The following CFAP77 variants were observed in gnomAD, a reference collection of about 807,000 sequenced individuals.
CFAP77 encodes cilia- and flagella-associated protein 77.
In CFAP77, 25 loss-of-function variants were observed where a neutral mutation model predicts 31.1. That is an observed-to-expected ratio of 0.80 (90% CI 0.59 to 1.12). CFAP77 has a LOEUF of 1.12. CFAP77 is among the 50% of genes most tolerant of loss of function. The probability of loss-of-function intolerance (pLI) is 0.00; values close to 1 mark genes in which losing one functional copy is unlikely to be tolerated. For missense variants in CFAP77, 377 were observed against 397.3 expected (o/e 0.95, Z 0.44); for synonymous variants, 151 against 159.9 (o/e 0.94, Z 0.42).
chr9:132,446,510 G>C (rs991819706), intron 1 of CFAP77, among the ~76,000 whole-genome samples: 2 of 152,084 alleles, frequency 1.3e-5, no homozygotes, highest in Non-Finnish European at 2.9e-5. Context: ...GGAGGCTGAG[G>C]TGGGTGGATC....
At chr9:132,458,357 G>GGGGGGGGGGTGGAGGGGT (rs139008147) in intron 1 of CFAP77, among the ~76,000 whole-genome samples, 1 of 119,046 alleles carries the variant, frequency 8.4e-6, no homozygotes, top group Admixed American at 9.8e-5. Context: ...GAGGGGGGGG[G>GGGGGGGGGGTGGAGGGGT]GTGTGTATGG....
intron 1 of CFAP77, among the ~76,000 whole-genome samples, chr9:132,478,357 C>T (rs1458894061): frequency 6.6e-6 from 1 of 151,740 alleles, no homozygotes; most frequent in Non-Finnish European, 1.5e-5. Flanking sequence ...GCACGAGGCT[C>T]ACAGGTGAAG....
intron 1 of CFAP77, among the ~76,000 whole-genome samples, chr9:132,484,587 G>A (rs1017525343): frequency 2.0e-5 from 3 of 152,186 alleles, no homozygotes; most frequent in Non-Finnish European, 4.4e-5. Context: ...GGTTACGGCT[G>A]AATAATATTC....
In CFAP77 at chr9:132,499,295, A is replaced by C. The variant is rs1436205334; in HGVS notation, c.296-77A>C. Reference sequence around the variant, plus strand: ...GAAGGCCGAGGACCCGCGTGCCCCCATTTCTTCTCGATCAGCTGCCTCAGG... The same window carrying C: ...GAAGGCCGAGGACCCGCGTGCCCCCCTTTCTTCTCGATCAGCTGCCTCAGG... On this transcript the variant is annotated intron_variant, in intron 2 of 5. Transcript: ENST00000393216. The surrounding 1 kb of genome is among the most constrained non-coding windows in gnomAD (Gnocchi z 5.4). 7.3e-7 allele frequency: 1 copy of C among 1,362,376 alleles called. No individual in the cohort carries two copies. The highest frequency in any genetic ancestry group is 2.3e-5 in the East Asian group (1 of 43,124). The allele number at this position is 1,362,376 out of a possible 1,614,324, so 84.4% of individuals were successfully genotyped here. A position where few individuals can be genotyped will look rare whatever the true frequency, so the allele number is the denominator to read the frequency against.
rs557582695 is a variant in CFAP77, at chr9:132,495,468, C to A, written c.196-3227C>A. On this transcript the variant is annotated intron_variant, in intron 1 of 5. Transcript: ENST00000393216. This position sits in a 1 kb window ranked among gnomAD's most constrained non-coding sequence, Gnocchi z 4.2. ...ATCATTTTCATAAACAAATGAGAGG[C>A]CAGAGCTTTGTCTGTAACTCAGAGA... Among the ~76,000 whole-genome samples the A allele has an allele frequency of 1.6e-4, 24 of 152,082 alleles. No homozygotes were observed. Among genetic ancestry groups the A allele is most frequent in the Non-Finnish European group, 3.4e-4 (23 of 68,018 alleles).
At position 132,548,676 on chromosome 9, in the gene CFAP77, T is replaced by G. The variant is rs1005889689; in HGVS notation, c.732+5629T>G. 2.6e-3 allele frequency among the ~76,000 whole-genome samples: 320 copies of G among 122,644 alleles called. 1 individual carries two copies. The highest frequency in any genetic ancestry group is 9.0e-3 in the African/African-American group (293 of 32,622). 80.5% of individuals were successfully genotyped at this position (122,644 alleles called of 152,430 possible). ...GGGGCTTGCCCAAGCATCTGTTGGC[T>G]GGCGGGGGGGTCTCCACATTCCCCT... On this transcript the variant is annotated intron_variant, in intron 5 of 5. Transcript: ENST00000393216.
intron 5 of CFAP77, among the ~76,000 whole-genome samples, chr9:132,560,514 C>T (rs1302050906): frequency 1.3e-5 from 2 of 152,216 alleles, no homozygotes; most frequent in South Asian, 2.1e-4. Context: ...GACTGGCCTT[C>T]GCTAATCCTT....
At chr9:132,533,814 G>A (rs540111860) in intron 3 of CFAP77, among the ~76,000 whole-genome samples, 2 of 152,288 alleles carry the variant, frequency 1.3e-5, no homozygotes, top group East Asian at 3.9e-4. Flanking sequence ...CCAGGAGGTG[G>A]AGGTTGCAGT....
At chr9:132,419,859 A>C (rs1850179083) in intron 1 of CFAP77, among the ~76,000 whole-genome samples, 1 of 152,170 alleles carries the variant, frequency 6.6e-6, no homozygotes, top group East Asian at 1.9e-4. Flanking sequence ...ATTAAAACTC[A>C]TAAGTTATTA....
intron 3 of CFAP77, among the ~76,000 whole-genome samples, chr9:132,510,016 G>A (rs1156986415): frequency 2.0e-5 from 3 of 152,070 alleles, no homozygotes; most frequent in East Asian, 1.9e-4. Flanking sequence ...TTTCCCTTTC[G>A]GCTCTCCTGT....
chr9:132,479,721 G>T (rs1394320986), intron 1 of CFAP77, among the ~76,000 whole-genome samples: 1 of 152,218 alleles, frequency 6.6e-6, no homozygotes, highest in Non-Finnish European at 1.5e-5. Context: ...GACAGATGTT[G>T]CTGATGGAGT....
intron 1 of CFAP77, among the ~76,000 whole-genome samples, chr9:132,411,688 G>A (rs569002510): frequency 1.3e-5 from 2 of 152,304 alleles, no homozygotes; most frequent in South Asian, 4.2e-4. Context: ...ATTCTTGGAT[G>A]AAGGAGAGAA....
At chr9:132,503,784 C>G (rs371704974) in intron 3 of CFAP77, among the ~76,000 whole-genome samples, 3 of 152,156 alleles carry the variant, frequency 2.0e-5, no homozygotes, top group Admixed American at 2.0e-4. Flanking sequence ...TGCAGTGGCT[C>G]ACGCCTGTAA....
At chr9:132,460,758 A>G (rs925339832) in intron 1 of CFAP77, among the ~76,000 whole-genome samples, 5 of 152,172 alleles carry the variant, frequency 3.3e-5, no homozygotes, top group East Asian at 3.9e-4. Context: ...AAAAGGGTCA[A>G]TTCTCTGTCG....
chr9:132,488,730 C>T (rs1007152442), intron 1 of CFAP77, among the ~76,000 whole-genome samples: 6 of 152,320 alleles, frequency 3.9e-5, no homozygotes, highest in South Asian at 4.1e-4. Flanking sequence ...GGCTTCCGGG[C>T]GCTGGGGCTG....
chr9:132,426,097 T>C (rs926675090), intron 1 of CFAP77, among the ~76,000 whole-genome samples: 1 of 152,184 alleles, frequency 6.6e-6, no homozygotes, highest in African/African-American at 2.4e-5. Flanking sequence ...ACAGAGAGAA[T>C]CAAAATATGT....
At chr9:132,543,744 T>C (rs865951412) in intron 5 of CFAP77, among the ~76,000 whole-genome samples, 1 of 152,282 alleles carries the variant, frequency 6.6e-6, no homozygotes, top group Non-Finnish European at 1.5e-5. Context: ...CTGACCTAGA[T>C]AAGGACCCAG....
chr9:132,571,009 C>G (rs1171029484), intron 5 of CFAP77, among the ~76,000 whole-genome samples: 2 of 152,156 alleles, frequency 1.3e-5, no homozygotes, highest in Non-Finnish European at 2.9e-5. Flanking sequence ...CAAGCCCCTC[C>G]TTATCTTCCC....
At chr9:132,492,475 A>G (rs1445964865) in intron 1 of CFAP77, among the ~76,000 whole-genome samples, 2 of 152,300 alleles carry the variant, frequency 1.3e-5, no homozygotes, top group East Asian at 1.9e-4. Flanking sequence ...GTCTGTGCAC[A>G]TGAAAATACA....
Sources: gnomAD v4.1 joint callset for allele counts (sites outside exome capture counted in the v4.1 genomes callset) on GRCh38, gnomAD v4.1.1 for gene constraint, Gnocchi (gnomAD v3.1) non-coding constraint, MANE v1.5 for transcripts, NCBI Gene and HGNC (gene_info 2026-07-23, HGNC 2026-07-21) for gene names.